Variants in TCP11 observed in about 807,000 individuals in gnomAD.
The protein encoded by TCP11 is t-complex 11.
TCP11 carries 34 observed loss-of-function variants against 45.0 expected under a neutral mutation model. The observed-to-expected ratio is 0.76, with a 90% confidence interval of 0.57 to 1.01. The LOEUF is 1.01. Among genes scored for constraint, TCP11 ranks in the 50% least tolerant of loss-of-function variants. The pLI, the probability that TCP11 is intolerant of heterozygous loss-of-function variation, is 0.00. For synonymous variants in TCP11, 227 were observed against 227.0 expected, an observed-to-expected ratio of 1.00 and a Z score of 0.00; for missense variants, 523 against 598.1, an observed-to-expected ratio of 0.87 and a Z score of 1.31.
intron 3 of TCP11, among the ~76,000 whole-genome samples, chr6:35,132,890 C>G (rs966248858): frequency 1.3e-5 from 2 of 152,168 alleles, no homozygotes; most frequent in African/African-American, 4.8e-5. Flanking sequence ...CATCTCTAAA[C>G]AGTGAGAGAG....
At chr6:35,131,413 C>A (rs914783388) in intron 3 of TCP11, among the ~76,000 whole-genome samples, 2 of 151,788 alleles carry the variant, frequency 1.3e-5, no homozygotes, top group Non-Finnish European at 2.9e-5. Context: ...GCTAAAAATA[C>A]AAATATTAGC....
At chr6:35,135,014 G>T (rs1350835413) in intron 3 of TCP11, among the ~76,000 whole-genome samples, 2 of 152,112 alleles carry the variant, frequency 1.3e-5, no homozygotes, top group African/African-American at 4.8e-5. Context: ...AGGCGTGGTG[G>T]TGCATGCCTG....
chr6:35,123,311 T>C (rs1779482682), intron 4 of TCP11, among the ~76,000 whole-genome samples: 1 of 152,164 alleles, frequency 6.6e-6, no homozygotes, highest in Non-Finnish European at 1.5e-5. Context: ...ACATGCAAAC[T>C]TGAGGATAGC....
chr6:35,134,008 A>G (rs2127678277), intron 3 of TCP11, among the ~76,000 whole-genome samples: 1 of 152,266 alleles, frequency 6.6e-6, no homozygotes, highest in East Asian at 1.9e-4. Context: ...TGGGGGAAAA[A>G]AAATCCCAAG....
intron 3 of TCP11, among the ~76,000 whole-genome samples, chr6:35,134,722 T>A (rs1208342883): frequency 6.6e-6 from 1 of 152,244 alleles, no homozygotes; most frequent in African/African-American, 2.4e-5. Flanking sequence ...TTTTCTAATA[T>A]TTTCTATATG....
chr6:35,118,562 C>T, intron 9 of TCP11, 61 bp from the exon 10 acceptor site: 2 of 1,441,384 alleles, frequency 1.4e-6, no homozygotes, highest in Non-Finnish European at 1.9e-6. Flanking sequence ...GAGAAAATTC[C>T]CCCTGCACTC....
At chr6:35,119,177 T>G in intron 9 of TCP11, 51 bp downstream of exon 9, 1 of 1,601,124 alleles carries the variant, frequency 6.2e-7, no homozygotes, top group South Asian at 1.1e-5. Flanking sequence ...GTTCCACGGT[T>G]GGGATCTATC....
Position 35,136,214 on chromosome 6 carries a change from A to C in TCP11, c.129T>G (p.Leu43=). ...KSGSEDPPPF[L]SVTGLTETVN... ...CGGTTTCTGTCAGACCTGTGACAGAAAGAACTGATGGTGGACAACAATGAG... is the reference window on the plus strand; with the variant it reads ...CGGTTTCTGTCAGACCTGTGACAGACAGAACTGATGGTGGACAACAATGAG... Residue 43 remains leucine (L), a synonymous_variant, in exon 3 of 10, where the codon CTT becomes CTG. Coordinates refer to ENST00000311875, the MANE Select transcript of TCP11 (RefSeq NM_001370687.1). 6.2e-7 allele frequency: 1 copy of C among 1,612,258 alleles called. No homozygotes were observed. Among genetic ancestry groups the C allele is most frequent in the Non-Finnish European group, 8.5e-7 (1 of 1,178,990 alleles).
chr6:35,135,997 A>C (rs1781035896), intron 3 of TCP11, 110 bp downstream of exon 3: 1 of 699,640 alleles, frequency 1.4e-6, no homozygotes, highest in Non-Finnish European at 2.3e-6. Context: ...TCTCAAGTTT[A>C]AATACTCATT....
rs922943005 is a variant in TCP11, at chr6:35,119,256, C to T, written c.1251G>A (p.Lys417=). ...SLMGQLQNIA[K]KENCVCSVID... ...TAACACTGCAGACACAGTTCTCCTT[C>T]TTGGCAATGTTCTGGAGCTGTCCCA... The change falls in exon 9 of 10, where the codon AAG becomes AAA. Residue 417 remains lysine, a synonymous_variant. Coordinates refer to ENST00000311875, the MANE Select transcript of TCP11 (RefSeq NM_001370687.1). 1 of 1,614,118 alleles carries T rather than the reference C, an allele frequency of 6.2e-7. No individual in the cohort carries two copies. Among genetic ancestry groups the T allele is most frequent in the African/African-American group, 1.3e-5 (1 of 74,938 alleles).
At chr6:35,137,990 CCT>C in intron 2 of TCP11, 1 of 345,686 alleles carries the variant, frequency 2.9e-6, no homozygotes. Context: ...GGAGAATGCC[CCT>C]GTTCTTAGAT....
In TCP11 at chr6:35,119,355, T is replaced by A; in HGVS notation, c.1152A>T (p.Val384=). 1 of 1,614,230 alleles carries A rather than the reference T, an allele frequency of 6.2e-7. No homozygotes were observed. The part of the protein sequence containing the change: ...EEAILTVSEQ[V]SQEIHQSLKN... The stretch of plus-strand genomic sequence containing the variant: ...TGAGGCTTTGATGGATTTCCTGAGA[T>A]ACCTGTTCACTCACAGTCAGTATAG... Residue 384 remains valine, a synonymous_variant, in exon 9 of 10, where the codon GTA becomes GTT. Transcript: ENST00000311875.
At chr6:35,127,046 T>C (rs1188256398) in intron 4 of TCP11, among the ~76,000 whole-genome samples, 2 of 152,176 alleles carry the variant, frequency 1.3e-5, no homozygotes, top group African/African-American at 4.8e-5. Flanking sequence ...TTCCTCTTAC[T>C]AGCACACCTG....
intron 3 of TCP11, among the ~76,000 whole-genome samples, chr6:35,131,690 G>A (rs1011869466): frequency 3.3e-5 from 5 of 152,086 alleles, no homozygotes; most frequent in African/African-American, 1.2e-4. Context: ...ATCGGAACAG[G>A]GTCCATACTG....
Position 35,120,335 on chromosome 6 carries a change from C to T in TCP11, c.939G>A (p.Leu313=), listed in dbSNP as rs1779092203. The change falls in exon 8 of 10, where the codon CTG becomes CTA. Residue 313 remains leucine, a synonymous_variant. Transcript: ENST00000311875. This position sits in a 1 kb window ranked among gnomAD's most constrained non-coding sequence, Gnocchi z 4.9. ...CCTGCAGCCGGGTTCTGTCCATCAGCAGGGTCTGGGAACCAGGGAAGAACA... is the reference window on the plus strand; with the variant it reads ...CCTGCAGCCGGGTTCTGTCCATCAGTAGGGTCTGGGAACCAGGGAAGAACA... ...DLENEEFPET[L]LMDRTRLQEL... 2 of 1,613,328 alleles carry T rather than the reference C, an allele frequency of 1.2e-6. No individual in the cohort carries two copies. Among genetic ancestry groups the T allele is most frequent in the Non-Finnish European group, 1.7e-6 (2 of 1,179,448 alleles).
intron 1 of TCP11, 35 bp downstream of exon 1, chr6:35,141,170 C>T: frequency 1.5e-6 from 2 of 1,330,820 alleles, no homozygotes; most frequent in Non-Finnish European, 1.9e-6. Context: ...CCCGAAACGC[C>T]GGCCCAGGCC....
At chr6:35,130,255 A>C (rs1780246993) in intron 3 of TCP11, among the ~76,000 whole-genome samples, 1 of 152,262 alleles carries the variant, frequency 6.6e-6, no homozygotes, top group African/African-American at 2.4e-5. Context: ...AACTTGTAGA[A>C]GATAACATAG....
At chr6:35,140,250 T>C in intron 2 of TCP11, 20 of 1,480,024 alleles carry the variant, frequency 1.4e-5, no homozygotes, top group Non-Finnish European at 1.8e-5. Flanking sequence ...AAATACAGCA[T>C]GAGTCCCAGT....
intron 2 of TCP11, 146 bp downstream of exon 2, chr6:35,140,601 T>G: frequency 2.9e-6 from 2 of 693,188 alleles, no homozygotes; most frequent in Non-Finnish European, 5.3e-6. Context: ...CTCGGGCCTG[T>G]AAGTAAAGGC....
Sources: gnomAD v4.1 joint callset for allele counts (sites outside exome capture counted in the v4.1 genomes callset) on GRCh38, gnomAD v4.1.1 for gene constraint, Gnocchi (gnomAD v3.1) non-coding constraint, MANE v1.5 for transcripts, NCBI Gene and HGNC (gene_info 2026-07-23, HGNC 2026-07-21) for gene names.